The following PEX5L variants were observed in gnomAD, a reference collection of about 807,000 sequenced individuals.
PEX5L encodes peroxisomal biogenesis factor 5 like.
Under a neutral mutation model 84.0 loss-of-function variants are expected in PEX5L, and 30 were observed. That is an observed-to-expected ratio of 0.36 (90% CI 0.27 to 0.48). The LOEUF (loss-of-function observed/expected upper bound fraction) is 0.48, where lower values mean the gene tolerates loss of function less well. Among genes scored for constraint, PEX5L ranks in the 20% least tolerant of loss-of-function variants. The pLI, the probability that PEX5L is intolerant of heterozygous loss-of-function variation, is 0.99. For missense variants in PEX5L, 533 were observed against 754.6 expected, an observed-to-expected ratio of 0.71 and a Z score of 3.44; for synonymous variants, 270 against 283.1, an observed-to-expected ratio of 0.95 and a Z score of 0.46.
intron 2 of PEX5L, chr3:179,900,523 G>A (rs1760934149): frequency 3.3e-6 from 2 of 597,120 alleles, no homozygotes; most frequent in Admixed American, 5.8e-5. Flanking sequence ...GAGTTAGCAA[G>A]GGACATGCCA....
At chr3:179,923,406 T>C (rs1193060161) in intron 2 of PEX5L, among the ~76,000 whole-genome samples, 2 of 151,566 alleles carry the variant, frequency 1.3e-5, no homozygotes, top group Non-Finnish European at 2.9e-5. Context: ...CAAAGAACAC[T>C]GGGGAAATTA....
At chr3:179,970,984 T>C (rs1033239881) in intron 2 of PEX5L, among the ~76,000 whole-genome samples, 14 of 152,162 alleles carry the variant, frequency 9.2e-5, no homozygotes, top group African/African-American at 3.4e-4. Context: ...TGGTATGTCA[T>C]TGTTTATGCT....
chr3:179,879,814 G>A (rs184061442), intron 5 of PEX5L, 115 bp downstream of exon 5: 1 of 668,626 alleles, frequency 1.5e-6, no homozygotes, highest in Admixed American at 3.2e-5. Context: ...TTTCCACCAT[G>A]GAATGCCTTT....
intron 2 of PEX5L, among the ~76,000 whole-genome samples, chr3:179,963,817 A>G (rs573927843): frequency 2.0e-4 from 31 of 152,058 alleles, no homozygotes; most frequent in Non-Finnish European, 3.7e-4. Flanking sequence ...CTCACTCCCT[A>G]TGTTTCTTAT....
intron 1 of PEX5L, among the ~76,000 whole-genome samples, chr3:179,999,367 A>G (rs1788183012): frequency 6.6e-6 from 1 of 152,136 alleles, no homozygotes; most frequent in African/African-American, 2.4e-5. Flanking sequence ...CACCCCTGTC[A>G]TCGCCCAATG....
intron 8 of PEX5L, among the ~76,000 whole-genome samples, chr3:179,857,300 A>AG (rs946550299): frequency 6.6e-6 from 1 of 152,232 alleles, no homozygotes; most frequent in African/African-American, 2.4e-5. Flanking sequence ...CTTGCTCCAG[A>AG]GGGGGTAAAA....
intron 1 of PEX5L, among the ~76,000 whole-genome samples, chr3:179,987,570 A>T (rs1786969302): frequency 6.6e-6 from 1 of 152,178 alleles, no homozygotes; most frequent in Non-Finnish European, 1.5e-5. Context: ...TCATGGATAC[A>T]TCAGAACATT....
chr3:180,013,680 C>G (rs971485297), intron 1 of PEX5L, among the ~76,000 whole-genome samples: 1 of 151,946 alleles, frequency 6.6e-6, no homozygotes, highest in Non-Finnish European at 1.5e-5. Context: ...TGTAAGCATT[C>G]GAGACAATTT....
intron 2 of PEX5L, among the ~76,000 whole-genome samples, chr3:179,930,122 T>C (rs891073835): frequency 1.3e-5 from 2 of 152,198 alleles, no homozygotes; most frequent in African/African-American, 4.8e-5. Flanking sequence ...AATCAGACAT[T>C]CTAGATGTGG....
At chr3:179,932,791 T>G (rs1311285718) in intron 2 of PEX5L, among the ~76,000 whole-genome samples, 1 of 152,186 alleles carries the variant, frequency 6.6e-6, no homozygotes, top group Non-Finnish European at 1.5e-5. Flanking sequence ...TGTTTTGAAA[T>G]ATGCATGCAT....
rs182891253 is a variant in PEX5L, at chr3:179,985,157, A to G, written c.22-13492T>C. Among the ~76,000 whole-genome samples, 613 of 152,320 alleles carry G rather than the reference A, an allele frequency of 4.0e-3. 7 individuals carry two copies. Among genetic ancestry groups the G allele is most frequent in the African/African-American group, 0.014 (566 of 41,576 alleles). ...GACTTCTTTTCTCCTAGGCCATTTCATCTTACAAGGATTACAGGAAATAAT... is the reference window on the plus strand; with the variant it reads ...GACTTCTTTTCTCCTAGGCCATTTCGTCTTACAAGGATTACAGGAAATAAT... On this transcript the variant is annotated intron_variant, in intron 1 of 14. Coordinates refer to ENST00000467460, the MANE Select transcript of PEX5L (RefSeq NM_016559.3).
chr3:179,967,573 C>G (rs1276961924), intron 2 of PEX5L, among the ~76,000 whole-genome samples: 1 of 152,114 alleles, frequency 6.6e-6, no homozygotes, highest in Non-Finnish European at 1.5e-5. Context: ...TGGATTTAGC[C>G]AGACTGCAAA....
chr3:180,009,367 AGAG>A (rs960071140), intron 1 of PEX5L, among the ~76,000 whole-genome samples: 2 of 152,218 alleles, frequency 1.3e-5, no homozygotes, highest in African/African-American at 4.8e-5. Flanking sequence ...AGGAATTAAC[AGAG>A]GTATGCCTAT....
intron 2 of PEX5L, among the ~76,000 whole-genome samples, chr3:179,941,978 G>C (rs1308720303): frequency 4.0e-5 from 5 of 126,120 alleles, no homozygotes; most frequent in Non-Finnish European, 6.2e-5. Context: ...CCCAGATCGC[G>C]CCACTGCACT....
intron 8 of PEX5L, among the ~76,000 whole-genome samples, chr3:179,845,404 T>C (rs557617627): frequency 1.6e-4 from 24 of 152,326 alleles, no homozygotes; most frequent in Non-Finnish European, 2.8e-4. Flanking sequence ...GTTTTAATAC[T>C]CCACTGCACT....
intron 1 of PEX5L, chr3:179,973,083 C>T (rs1485525411): frequency 2.5e-6 from 2 of 795,286 alleles, no homozygotes; most frequent in East Asian, 1.0e-4. Flanking sequence ...CACTGGTTGC[C>T]ATAAGATTTT....
intron 1 of PEX5L, among the ~76,000 whole-genome samples, chr3:180,020,121 ATCT>A (rs1343795046): frequency 1.3e-5 from 2 of 152,198 alleles, no homozygotes; most frequent in Non-Finnish European, 2.9e-5. Context: ...TATGAAAATA[ATCT>A]TCTCAGTCAA....
rs898550435 is a variant in PEX5L, at chr3:179,964,568, C to T, written c.93+7026G>A. ...TATGCATCTCACGAAGGTCTAATAC[C>T]CAGAATCTTTAAGGCACTTAAACAA... On this transcript the variant is annotated intron_variant, in intron 2 of 14. Transcript: ENST00000467460. Among the ~76,000 whole-genome samples the T allele has an allele frequency of 2.6e-5, 4 of 152,210 alleles. No homozygotes were observed. The South Asian group carries it at 8.3e-4, about 32-fold the overall frequency.
intron 10 of PEX5L, among the ~76,000 whole-genome samples, chr3:179,812,723 T>C (rs922343582): frequency 6.6e-6 from 1 of 152,064 alleles, no homozygotes; most frequent in Non-Finnish European, 1.5e-5. Flanking sequence ...CACACTGTTA[T>C]AAGAGTAATA....
Sources: allele counts gnomAD v4.1 joint callset (sites outside exome capture counted in the v4.1 genomes callset), GRCh38; gene constraint gnomAD v4.1.1; transcripts MANE v1.5; gene names NCBI Gene and HGNC (gene_info 2026-07-23, HGNC 2026-07-21).